Variants in CHD5 observed in about 807,000 individuals in gnomAD.
CHD5 encodes chromodomain helicase DNA binding protein 5.
CHD5 carries 69 observed loss-of-function variants against 230.3 expected under a neutral mutation model. The ratio of observed to expected loss-of-function variants is 0.30; its 90% confidence interval spans 0.25 to 0.37. The LOEUF (loss-of-function observed/expected upper bound fraction) is 0.37, where lower values mean the gene tolerates loss of function less well. CHD5 is among the 10% of genes least tolerant of loss of function. The probability of loss-of-function intolerance (pLI) is 1.00; values close to 1 mark genes in which losing one functional copy is unlikely to be tolerated. For synonymous variants in CHD5, 1,064 were observed against 1,065.9 expected (o/e 1.00, Z 0.03); for missense variants, 1,827 against 2,622.8 (o/e 0.70, Z 6.63).
chr1:6,145,027 G>A (rs1355973156), intron 11 of CHD5, among the ~76,000 whole-genome samples: 2 of 152,206 alleles, frequency 1.3e-5, no homozygotes, highest in Non-Finnish European at 2.9e-5. Flanking sequence ...AGTAAAGGTA[G>A]AAAACCATGG....
chr1:6,155,001 GCAGCAGCCC>G lies in CHD5; in HGVS notation c.507-112_507-104del. ...CCCTCTGCCACATGTGCGATCTATG[GCAGCAGCCC>G]CAGGTTCCTGATTAGAGAGATTAGG... On this transcript the variant is annotated intron_variant, in intron 4 of 41. Transcript: ENST00000262450. This position sits in a 1 kb window ranked among gnomAD's most constrained non-coding sequence, Gnocchi z 4.0. 1 of 1,035,106 alleles carries G rather than the reference GCAGCAGCCC, an allele frequency of 9.7e-7. No individual in the cohort carries two copies. Among genetic ancestry groups the G allele is most frequent in the Non-Finnish European group, 1.4e-6 (1 of 706,858 alleles). The allele number at this position is 1,035,106 out of a possible 1,614,324, so 64.1% of individuals were successfully genotyped here.
At position 6,148,854 on chromosome 1, in the gene CHD5, A is replaced by T; in HGVS notation, c.1383T>A (p.Thr461=). Residue 461 remains threonine, a splice_region_variant and synonymous_variant, in exon 9 of 42, where the codon ACT becomes ACA. Transcript: ENST00000262450. ...PNGEWLCPRC[T]CPPLKGKVQR... is the part of the protein sequence containing the mutation. ...GGCGCGGGGCGGGCGGAACACTCAC[A>T]GTACAGCGCGGGCAGAGCCATTCAC... The T allele has an allele frequency of 6.5e-7, 1 of 1,527,584 alleles. No individual in the cohort carries two copies. The highest frequency in any genetic ancestry group is 8.8e-7 in the Non-Finnish European group (1 of 1,135,064). 94.6% of individuals were successfully genotyped at this position (1,527,584 alleles called of 1,614,324 possible). A position where few individuals can be genotyped will look rare whatever the true frequency, so the allele number is the denominator to read the frequency against.
In CHD5 at chr1:6,130,173, T is replaced by G; in HGVS notation, c.3387+31A>C. ...CTGAGGCCCGGGATGAGAGGCCCCC[T>G]GGGAGGGTGGTGGGCGGCAGCAGCA... On this transcript the variant is annotated intron_variant, in intron 22 of 41. Coordinates refer to ENST00000262450, the MANE Select transcript of CHD5 (RefSeq NM_015557.3). This position sits in a 1 kb window ranked among gnomAD's most constrained non-coding sequence, Gnocchi z 4.9. The G allele has an allele frequency of 6.2e-7, 1 of 1,612,056 alleles. No homozygotes were observed. Among genetic ancestry groups the G allele is most frequent in the African/African-American group, 1.3e-5 (1 of 74,992 alleles).
rs991683071 is a variant in CHD5, at chr1:6,102,565, C to T, written c.*2909G>A. The stretch of plus-strand genomic sequence containing the variant: ...ATCTGGCTTCTGGCTCCCATGTACC[C>T]GAGCCCACTCTCCACTCCACCTCCT... On this transcript the variant is annotated 3_prime_UTR_variant, in exon 42 of 42. Coordinates refer to ENST00000262450, the MANE Select transcript of CHD5 (RefSeq NM_015557.3). The T allele has an allele frequency of 4.6e-5, 7 of 152,288 alleles. No homozygotes were observed. Among genetic ancestry groups the T allele is most frequent in the African/African-American group, 1.4e-4 (6 of 41,460 alleles). 9.4% of individuals were successfully genotyped at this position (152,288 alleles called of 1,614,324 possible).
intron 5 of CHD5, among the ~76,000 whole-genome samples, chr1:6,153,267 G>A (rs886450576): frequency 6.6e-5 from 10 of 152,232 alleles, no homozygotes; most frequent in African/African-American, 2.4e-4. Flanking sequence ...AGCAGCTCAT[G>A]GAATCGATAG....
At chr1:6,141,825 T>C (rs1257546203) in intron 15 of CHD5, among the ~76,000 whole-genome samples, 1 of 152,078 alleles carries the variant, frequency 6.6e-6, no homozygotes, top group Non-Finnish European at 1.5e-5. Context: ...AAGGAAGGGT[T>C]CTCCCCTAGG....
At chr1:6,157,615 G>A (rs560072594) in intron 3 of CHD5, among the ~76,000 whole-genome samples, 63 of 152,322 alleles carry the variant, frequency 4.1e-4, no homozygotes, top group Admixed American at 9.1e-4. Flanking sequence ...CAGGCTGCGG[G>A]AGGCCTCCAG....
chr1:6,144,880 C>T (rs564773866), intron 11 of CHD5, among the ~76,000 whole-genome samples: 3 of 152,384 alleles, frequency 2.0e-5, no homozygotes, highest in East Asian at 3.9e-4. Context: ...CCCGTTACCA[C>T]GGCAACCGAT....
chr1:6,152,263 AT>A (rs1667018284), intron 6 of CHD5, 148 bp downstream of exon 6: 11 of 817,210 alleles, frequency 1.3e-5, no homozygotes, highest in Non-Finnish European at 2.1e-5. Flanking sequence ...GCACACCTGC[AT>A]GTAGGATGGA....
chr1:6,113,032 G>A, intron 33 of CHD5, 34 bp from the exon 34 acceptor site: 6 of 1,471,572 alleles, frequency 4.1e-6, no homozygotes, highest in African/African-American at 1.4e-5. Flanking sequence ...GCATGGGGTG[G>A]GGTCCCAGAA....
Position 6,126,666 on chromosome 1 carries a change from A to G in CHD5, c.3984T>C (p.Tyr1328=). 1 of 1,613,986 alleles carries G rather than the reference A, an allele frequency of 6.2e-7. No individual in the cohort carries two copies. Among genetic ancestry groups the G allele is most frequent in the Non-Finnish European group, 8.5e-7 (1 of 1,179,962 alleles). ...GGGCCAGGTCCTCCTGCTGCTGCTCATAGTGGTGCCGCAGCAGCTTCTCCC... is the reference window on the plus strand; with the variant it reads ...GGGCCAGGTCCTCCTGCTGCTGCTCGTAGTGGTGCCGCAGCAGCTTCTCCC... ...DYWEKLLRHH[Y]EQQQEDLARN... The change falls in exon 26 of 42, where the codon TAT becomes TAC. Residue 1328 remains tyrosine (Y), a synonymous_variant. Transcript: ENST00000262450. This position sits in a 1 kb window ranked among gnomAD's most constrained non-coding sequence, Gnocchi z 5.7.
intron 11 of CHD5, among the ~76,000 whole-genome samples, chr1:6,144,703 G>A (rs769311369): frequency 9.2e-5 from 14 of 152,188 alleles, no homozygotes; most frequent in Non-Finnish European, 1.5e-4. Context: ...TGGCCACTGG[G>A]AGGGTCTTTA....
chr1:6,118,302 C>G (rs1666408723), intron 33 of CHD5, among the ~76,000 whole-genome samples: 1 of 149,240 alleles, frequency 6.7e-6, no homozygotes, highest in Non-Finnish European at 1.5e-5. Context: ...CGCTTGCACC[C>G]AGGGGGTCAA....
At chr1:6,144,215 G>A in intron 11 of CHD5, 60 bp from the exon 12 acceptor site, 1 of 1,603,122 alleles carries the variant, frequency 6.2e-7, no homozygotes, top group Non-Finnish European at 8.5e-7. Flanking sequence ...CAGGTTTGAT[G>A]AAGGGCACCT....
rs965925767 is a variant in CHD5 at position 6,142,319 on chromosome 1, T to C, written c.2245A>G (p.Lys749Glu). 1.9e-6 allele frequency: 3 copies of C among 1,607,714 alleles called. No individual in the cohort carries two copies. The highest frequency in any genetic ancestry group is 2.6e-6 in the Non-Finnish European group (3 of 1,174,708). ...LYSLYKEGHSKGPYLVSAPLS... is the reference protein window; with the variant it reads ...LYSLYKEGHSEGPYLVSAPLS... ...GGCGCGCTAACCAGGTAGGGCCCTT[T>C]GGAGTGGCCCTGGAGAGAGAGGCCG... The change falls in exon 15 of 42, where the codon AAA becomes GAA. Residue 749 changes from lysine to glutamate, a missense_variant. This residue lies in a region of CHD5 where 37 missense variants were observed against 105.7 expected (regional missense o/e 0.35). Coordinates refer to ENST00000262450, the MANE Select transcript of CHD5 (RefSeq NM_015557.3). The surrounding 1 kb of genome is among the most constrained non-coding windows in gnomAD (Gnocchi z 5.2).
At chr1:6,118,573 A>C (rs982935105) in intron 33 of CHD5, among the ~76,000 whole-genome samples, 56 of 152,188 alleles carry the variant, frequency 3.7e-4, no homozygotes, top group African/African-American at 1.3e-3. Context: ...GAAGAGGAAG[A>C]AATGGGGAGT....
intron 33 of CHD5, among the ~76,000 whole-genome samples, chr1:6,120,508 A>T (rs558433130): frequency 7.0e-4 from 107 of 151,804 alleles, no homozygotes; most frequent in African/African-American, 2.2e-3. Context: ...AATTAAAAAA[A>T]AAAAAAAAAA....
intron 33 of CHD5, among the ~76,000 whole-genome samples, chr1:6,120,501 T>TAAA (rs5772220): frequency 1.8e-5 from 2 of 110,002 alleles, no homozygotes; most frequent in Non-Finnish European, 1.9e-5. Flanking sequence ...TACTAAAAAT[T>TAAA]AAAAAAAAAA....
At chr1:6,175,869 A>G (rs1248257177) in intron 1 of CHD5, among the ~76,000 whole-genome samples, 2 of 151,814 alleles carry the variant, frequency 1.3e-5, no homozygotes, top group Admixed American at 1.3e-4. Context: ...ATGGACGAAT[A>G]GTGCATGGAT....
Sources: allele counts gnomAD v4.1 joint callset (sites outside exome capture counted in the v4.1 genomes callset), GRCh38; gene constraint gnomAD v4.1.1; regional missense constraint gnomAD v4.1.1; non-coding constraint Gnocchi (gnomAD v3.1); transcripts MANE v1.5; gene names NCBI Gene and HGNC (gene_info 2026-07-23, HGNC 2026-07-21).